Variants in WWC1 observed in about 807,000 individuals in gnomAD.
The protein encoded by WWC1 is WW and C2 domain containing 1.
Under a neutral mutation model 138.4 loss-of-function variants are expected in WWC1, and 55 were observed. The observed-to-expected ratio is 0.40, with a 90% CI of 0.32 to 0.50. The LOEUF is 0.50. Ranked by LOEUF, WWC1 falls within the 20% of genes least tolerant of loss-of-function variation. WWC1 has a pLI of 0.72. For missense variants in WWC1, 1,226 were observed against 1,420.4 expected (o/e 0.86, Z 2.20); for synonymous variants, 524 against 564.9 (o/e 0.93, Z 1.03).
intron 1 of WWC1, among the ~76,000 whole-genome samples, chr5:168,312,261 AG>A (rs1771171655): frequency 6.6e-6 from 1 of 152,162 alleles, no homozygotes; most frequent in African/African-American, 2.4e-5. Flanking sequence ...TTGAGTGCAA[AG>A]CACAGTTCTA....
At chr5:168,467,602 C>T (rs1329049447) in intron 21 of WWC1, 2 of 514,690 alleles carry the variant, frequency 3.9e-6, no homozygotes, top group Non-Finnish European at 6.7e-6. Context: ...AACAGGCAGC[C>T]CTCATCTCCT....
intron 1 of WWC1, among the ~76,000 whole-genome samples, chr5:168,366,730 TC>T (rs1218565095): frequency 9.9e-5 from 15 of 151,508 alleles, no homozygotes; most frequent in African/African-American, 3.4e-4. Context: ...TTCAGTCCCG[TC>T]CTCCTAACCC....
intron 1 of WWC1, among the ~76,000 whole-genome samples, chr5:168,303,866 G>A (rs1233511961): frequency 1.3e-5 from 2 of 152,064 alleles, no homozygotes; most frequent in African/African-American, 2.4e-5. Context: ...CAGGGAGGTG[G>A]TTTTGAGGAA....
At position 168,369,885 on chromosome 5, in the gene WWC1, T is replaced by A. The variant is rs146615898; in HGVS notation, c.120-1539T>A. On this transcript the variant is annotated intron_variant, in intron 1 of 22. Transcript: ENST00000265293. ...CCTATGTATTCATTACATTATTCAC[T>A]CATTGTGCAATTTTTTTTTTTTTTT... Among the ~76,000 whole-genome samples the A allele has an allele frequency of 2.5e-3, 363 of 147,614 alleles. 3 individuals carry two copies. The highest frequency in any genetic ancestry group is 8.8e-3 in the African/African-American group (351 of 40,072).
intron 1 of WWC1, among the ~76,000 whole-genome samples, chr5:168,365,803 T>C (rs1367585087): frequency 6.6e-6 from 1 of 152,214 alleles, no homozygotes; most frequent in Admixed American, 6.5e-5. Context: ...TGTGCTCCTT[T>C]AGAGATTTGT....
In WWC1 at chr5:168,406,191, C is replaced by T; in HGVS notation, c.591-7C>T. 6.2e-7 allele frequency: 1 copy of T among 1,613,452 alleles called. No individual in the cohort carries two copies. Among genetic ancestry groups the T allele is most frequent in the Non-Finnish European group, 8.5e-7 (1 of 1,179,596 alleles). ...AAGGCTGACCTTTCCCATTAACTGT[C>T]TCCTAGAATCGATAAGAAAATGTCT... On this transcript the variant is annotated splice_polypyrimidine_tract_variant and splice_region_variant and intron_variant, in intron 5 of 22. Transcript: ENST00000265293.
In WWC1 at chr5:168,405,810, T is replaced by C. The variant is rs151062204; in HGVS notation, c.591-388T>C. On this transcript the variant is annotated intron_variant, in intron 5 of 22. Transcript: ENST00000265293. Reference sequence around the variant, plus strand: ...GGCATGATCTCAGCTCACTACAACCTCTGCCTCCCAGGTTCAAGCAATTCT... The same window carrying C: ...GGCATGATCTCAGCTCACTACAACCCCTGCCTCCCAGGTTCAAGCAATTCT... Among the ~76,000 whole-genome samples the C allele has an allele frequency of 7.1e-3, 1,061 of 148,940 alleles. 9 individuals are homozygous for C. The highest frequency in any genetic ancestry group is 0.025 in the African/African-American group (1,031 of 40,634).
intron 17 of WWC1, among the ~76,000 whole-genome samples, chr5:168,449,870 C>T (rs1408622901): frequency 2.0e-5 from 3 of 152,158 alleles, no homozygotes; most frequent in Non-Finnish European, 2.9e-5. Context: ...CCACCGCACC[C>T]GCCAACAGCT....
intron 3 of WWC1, among the ~76,000 whole-genome samples, chr5:168,392,817 A>G (rs1778603971): frequency 6.6e-6 from 1 of 152,200 alleles, no homozygotes; most frequent in Admixed American, 6.5e-5. Flanking sequence ...CCAAGATTCC[A>G]GATATCCGAG....
intron 11 of WWC1, 36 bp from the exon 12 acceptor site, chr5:168,427,997 G>C: frequency 6.3e-7 from 1 of 1,594,164 alleles, no homozygotes; most frequent in Non-Finnish European, 8.6e-7. Flanking sequence ...GCAGTTTCCT[G>C]GTTCCTGAAC....
chr5:168,408,679 G>A (rs897781478), intron 7 of WWC1, 26 bp downstream of exon 7: 1 of 1,612,582 alleles, frequency 6.2e-7, no homozygotes, highest in South Asian at 1.1e-5. Flanking sequence ...AGGTTGCTGG[G>A]GGCCTTCCAC....
intron 6 of WWC1, among the ~76,000 whole-genome samples, chr5:168,407,620 G>A (rs137855627): frequency 7.2e-5 from 11 of 152,286 alleles, no homozygotes; most frequent in African/African-American, 2.6e-4. Flanking sequence ...ATGATTAGTG[G>A]TTGAGATCAT....
rs1318949330 is a variant in WWC1, at chr5:168,461,948, C to T, written c.2916+1206C>T. On this transcript the variant is annotated intron_variant, in intron 20 of 22. Transcript: ENST00000265293. ...GTGCATGCCTGTAATCCCAGCTACT[C>T]GGGAGGCTGAGGCAGGAGAATTGCT... Among the ~76,000 whole-genome samples the T allele has an allele frequency of 5.3e-5, 8 of 151,540 alleles. No individual in the cohort carries two copies. In the East Asian group the frequency reaches 1.2e-3, roughly 22 times the overall value.
At chr5:168,355,097 T>G (rs1775290914) in intron 1 of WWC1, among the ~76,000 whole-genome samples, 1 of 152,108 alleles carries the variant, frequency 6.6e-6, no homozygotes, top group East Asian at 1.9e-4. Flanking sequence ...TCTGTTGGAA[T>G]GGGAGAGACA....
intron 5 of WWC1, among the ~76,000 whole-genome samples, chr5:168,400,246 T>C (rs905214918): frequency 6.6e-6 from 1 of 152,260 alleles, no homozygotes; most frequent in East Asian, 1.9e-4. Flanking sequence ...ACTTGTGTCA[T>C]GGGGGTTTGT....
At chr5:168,455,245 C>G in intron 18 of WWC1, 111 bp from the exon 19 acceptor site, 1 of 1,325,306 alleles carries the variant, frequency 7.5e-7, no homozygotes, top group Non-Finnish European at 1.0e-6. Flanking sequence ...CTGGTTGTGT[C>G]TGTGGGAAAA....
At chr5:168,295,759 C>T (rs1397075826) in intron 1 of WWC1, among the ~76,000 whole-genome samples, 2 of 152,168 alleles carry the variant, frequency 1.3e-5, no homozygotes, top group Non-Finnish European at 2.9e-5. Context: ...ATCCAGTTTT[C>T]AGCTTCCCCT....
At chr5:168,405,286 A>G (rs181494986) in intron 5 of WWC1, among the ~76,000 whole-genome samples, 350 of 152,324 alleles carry the variant, frequency 2.3e-3, no homozygotes, top group African/African-American at 8.1e-3. Flanking sequence ...CCCTCAAGGG[A>G]CATTAGGTAA....
intron 1 of WWC1, among the ~76,000 whole-genome samples, chr5:168,319,323 G>A (rs894363680): frequency 2.6e-5 from 4 of 152,094 alleles, no homozygotes; most frequent in Non-Finnish European, 1.5e-5. Flanking sequence ...GGGAGGCCGA[G>A]GCAGGAGAAT....
Sources: gnomAD v4.1 joint callset for allele counts (sites outside exome capture counted in the v4.1 genomes callset) on GRCh38, gnomAD v4.1.1 for gene constraint, MANE v1.5 for transcripts, NCBI Gene and HGNC (gene_info 2026-07-23, HGNC 2026-07-21) for gene names.